The following DPF3 variants were observed in gnomAD, a reference collection of about 807,000 sequenced individuals.
DPF3 encodes double PHD fingers 3.
In DPF3, 18 loss-of-function variants were observed where a neutral mutation model predicts 56.8. That is an observed-to-expected ratio of 0.32 (90% CI 0.22 to 0.47). The LOEUF (loss-of-function observed/expected upper bound fraction) is 0.47, where lower values mean the gene tolerates loss of function less well. Among genes scored for constraint, DPF3 ranks in the 20% least tolerant of loss-of-function variants. DPF3 has a pLI of 1.00. For synonymous variants in DPF3, 188 were observed against 180.2 expected, an observed-to-expected ratio of 1.04 and a Z score of -0.35; for missense variants, 403 against 488.8, an observed-to-expected ratio of 0.82 and a Z score of 1.65.
intron 8 of DPF3, among the ~76,000 whole-genome samples, chr14:72,645,229 T>A (rs1270715614): frequency 1.3e-5 from 2 of 152,154 alleles, no homozygotes; most frequent in South Asian, 4.1e-4. Flanking sequence ...TGTTTTGTGG[T>A]TGGACTCAAG....
rs751250657 is a variant in DPF3, at chr14:72,743,020, C to T, written c.301+10244G>A. ...GGACACCTTAAGCCACTGTCGTCTT[C>T]GGGGTGCATGCCCTCTTGTCTGAGT... On this transcript the variant is annotated intron_variant, in intron 3 of 10. Transcript: ENST00000556509. Among the ~76,000 whole-genome samples, 59 of 152,168 alleles carry T rather than the reference C, an allele frequency of 3.9e-4. 1 individual carries two copies. Among genetic ancestry groups the T allele is most frequent in the Admixed American group, 8.5e-4 (13 of 15,286 alleles).
chr14:72,821,133 CAA>C (rs976081670), intron 1 of DPF3, among the ~76,000 whole-genome samples: 28 of 116,798 alleles, frequency 2.4e-4, no homozygotes, highest in Admixed American at 3.5e-4. Flanking sequence ...AACTCTATCT[CAA>C]AAAAAAAAAA....
rs1599301942 is a variant in DPF3 at position 72,615,056 on chromosome 14, G to A, written c.*4241C>T. Among the ~76,000 whole-genome samples, 1 of 152,086 alleles carries A rather than the reference G, an allele frequency of 6.6e-6. No homozygotes were observed. Among genetic ancestry groups the A allele is most frequent in the East Asian group, 1.9e-4 (1 of 5,156 alleles). On this transcript the variant is annotated 3_prime_UTR_variant, in exon 11 of 11. Transcript: ENST00000556509. ...CTGTGGGAGTGTGAGCGTGGCTCTG[G>A]CCAGAGCCAACTTCTCCCTCGGGCT...
chr14:72,660,553 C>T (rs1018854926), intron 8 of DPF3, among the ~76,000 whole-genome samples: 1 of 152,244 alleles, frequency 6.6e-6, no homozygotes, highest in Non-Finnish European at 1.5e-5. Context: ...CACCAACCGG[C>T]AGCTTGGGAG....
rs991268676 is a variant in DPF3 at position 72,613,292 on chromosome 14, T to G, written c.*6005A>C. On this transcript the variant is annotated 3_prime_UTR_variant, in exon 11 of 11. Coordinates refer to ENST00000556509, the MANE Select transcript of DPF3 (RefSeq NM_001280542.3). ...CGTCCCCACCATGGCCGCGTTTATT[T>G]GCTAGACAGGGTTGGTGCCAGCCTA... is the stretch of plus-strand genomic sequence containing the variant. Among the ~76,000 whole-genome samples the G allele has an allele frequency of 6.6e-6, 1 of 152,138 alleles. No homozygotes were observed. Among genetic ancestry groups the G allele is most frequent in the African/African-American group, 2.4e-5 (1 of 41,436 alleles).
At chr14:72,696,157 T>C (rs1887892018) in intron 6 of DPF3, among the ~76,000 whole-genome samples, 1 of 152,194 alleles carries the variant, frequency 6.6e-6, no homozygotes. Flanking sequence ...AAAGTAATGA[T>C]AATGATATCA....
intron 3 of DPF3, among the ~76,000 whole-genome samples, chr14:72,750,230 T>A (rs1009461997): frequency 6.6e-6 from 1 of 152,170 alleles, no homozygotes; most frequent in African/African-American, 2.4e-5. Flanking sequence ...CAACCTAGAT[T>A]CTCTGCTGGA....
chr14:72,818,064 G>A (rs775784229), intron 1 of DPF3, among the ~76,000 whole-genome samples: 26 of 152,004 alleles, frequency 1.7e-4, no homozygotes, highest in African/African-American at 2.7e-4. Flanking sequence ...TGGCCAACAT[G>A]GTGAAACCCC....
chr14:72,757,978 TAG>T (rs1298857352), intron 2 of DPF3, among the ~76,000 whole-genome samples: 3 of 151,650 alleles, frequency 2.0e-5, no homozygotes, highest in Non-Finnish European at 2.9e-5. Context: ...AAAAATTACC[TAG>T]AGAGAGAGCA....
intron 1 of DPF3, among the ~76,000 whole-genome samples, chr14:72,852,100 G>A (rs1327596881): frequency 6.6e-6 from 1 of 152,236 alleles, no homozygotes; most frequent in Non-Finnish European, 1.5e-5. Flanking sequence ...GTGGAGCACC[G>A]GGCTTTCAGC....
chr14:72,659,911 T>C (rs1418749122), intron 8 of DPF3, among the ~76,000 whole-genome samples: 2 of 152,164 alleles, frequency 1.3e-5, no homozygotes, highest in Non-Finnish European at 2.9e-5. Context: ...ACGTAAATAA[T>C]CCTTGAAGAT....
At chr14:72,807,831 G>A (rs1007886129) in intron 1 of DPF3, among the ~76,000 whole-genome samples, 2 of 152,152 alleles carry the variant, frequency 1.3e-5, no homozygotes, top group African/African-American at 4.8e-5. Context: ...GCCAGGCTTG[G>A]TGGCACATAC....
chr14:72,707,040 T>C (rs1888435428), intron 6 of DPF3, among the ~76,000 whole-genome samples: 1 of 152,012 alleles, frequency 6.6e-6, no homozygotes, highest in Non-Finnish European at 1.5e-5. Flanking sequence ...TGTGTTCTCA[T>C]TGTTCAATTC....
chr14:72,790,416 T>G (rs996031280), intron 1 of DPF3, among the ~76,000 whole-genome samples: 1 of 152,164 alleles, frequency 6.6e-6, no homozygotes, highest in Non-Finnish European at 1.5e-5. Context: ...ATGAATTGTC[T>G]GATGTCCCCA....
chr14:72,744,772 A>G (rs1015158855), intron 3 of DPF3, among the ~76,000 whole-genome samples: 1 of 152,066 alleles, frequency 6.6e-6, no homozygotes, highest in African/African-American at 2.4e-5. Flanking sequence ...AAAGGAATAC[A>G]GGAGGGACAA....
rs1883985299 is a variant in DPF3, at chr14:72,614,788, A to AAAAAAAAAAAAG, written c.*4508_*4509insCTTTTTTTTTTT. Among the ~76,000 whole-genome samples, 2 of 150,900 alleles carry AAAAAAAAAAAAG rather than the reference A, an allele frequency of 1.3e-5. No homozygotes were observed. The highest frequency in any genetic ancestry group is 4.2e-4 in the South Asian group (2 of 4,748). ...GATCACAAGCCTCAGAAAAAAAAAA[A>AAAAAAAAAAAAG]AGAGTTACAATCACTGTTCACTCCC... On this transcript the variant is annotated 3_prime_UTR_variant, in exon 11 of 11. Coordinates refer to ENST00000556509, the MANE Select transcript of DPF3 (RefSeq NM_001280542.3).
intron 1 of DPF3, among the ~76,000 whole-genome samples, chr14:72,831,273 T>C (rs1884047093): frequency 6.6e-6 from 1 of 152,008 alleles, no homozygotes; most frequent in African/African-American, 2.4e-5. Flanking sequence ...TCAGAGTTCC[T>C]GCCATTTCCT....
chr14:72,700,564 T>G (rs184814421), intron 6 of DPF3, among the ~76,000 whole-genome samples: 1 of 152,348 alleles, frequency 6.6e-6, no homozygotes, highest in Non-Finnish European at 1.5e-5. Context: ...CTTGAAAGTC[T>G]GGCCAGAGTG....
At position 72,845,735 on chromosome 14, in the gene DPF3, T is replaced by C. The variant is rs959375378; in HGVS notation, c.32+48322A>G. On this transcript the variant is annotated intron_variant, in intron 1 of 10. Transcript: ENST00000556509. ...GGTGGAAAACCATCTCCAACATCTG[T>C]TTCTTTTTCTGTTAAAATCTATCCA... Among the ~76,000 whole-genome samples the C allele has an allele frequency of 2.0e-5, 3 of 152,284 alleles. No homozygotes were observed. In the East Asian group the frequency reaches 5.8e-4, roughly 29 times the overall value.
Sources: gnomAD v4.1 joint callset for allele counts (sites outside exome capture counted in the v4.1 genomes callset) on GRCh38, gnomAD v4.1.1 for gene constraint, MANE v1.5 for transcripts, NCBI Gene and HGNC (gene_info 2026-07-23, HGNC 2026-07-21) for gene names.